FBXO25: variants seen among roughly 807,000 people sequenced by gnomAD.
FBXO25 encodes F-box only protein 25.
A neutral mutation model predicts 51.9 loss-of-function variants in FBXO25; 45 were observed. The observed-to-expected ratio is 0.87, with a 90% CI of 0.68 to 1.11. The LOEUF is 1.11. Among genes scored for constraint, FBXO25 ranks in the 50% most tolerant of loss-of-function variants. FBXO25 has a pLI of 0.00. For missense variants in FBXO25, 507 were observed against 428.5 expected (o/e 1.18, Z -1.62); for synonymous variants, 199 against 151.0 (o/e 1.32, Z -2.33).
At chr8:433,975 C>T (rs1211372106) in intron 4 of FBXO25, among the ~76,000 whole-genome samples, 1 of 152,156 alleles carries the variant, frequency 6.6e-6, no homozygotes, top group Admixed American at 6.5e-5. Flanking sequence ...CGTGAAAGAC[C>T]ATTAAATATT....
chr8:435,474 C>G (rs1798048277), intron 4 of FBXO25, 141 bp from the exon 5 acceptor site: 1 of 1,003,746 alleles, frequency 1.0e-6, no homozygotes, highest in African/African-American at 1.6e-5. Context: ...ACTATACTCT[C>G]ATCTAAATCT....
rs1433623464 is a variant in FBXO25 at position 474,649 on chromosome 8, G to C, written c.*5845G>C. ...GACTGGTGATGCTGAGTATCTGTTT[G>C]TTGGCCGTTTATATGTCGTCTTTGG... is the stretch of plus-strand genomic sequence containing the variant. On this transcript the variant is annotated 3_prime_UTR_variant, in exon 10 of 10. Transcript: ENST00000350302. The C allele has an allele frequency of 4.5e-6, 2 of 440,114 alleles. No homozygotes were observed. The highest frequency in any genetic ancestry group is 4.1e-5 in the African/African-American group (2 of 48,958). The allele number at this position is 440,114 out of a possible 1,614,324, so 27.3% of individuals were successfully genotyped here. A position where few individuals can be genotyped will look rare whatever the true frequency, so the allele number is the denominator to read the frequency against.
chr8:432,444 C>A lies in FBXO25; in HGVS notation c.239-442C>A, dbSNP rs185163423. 6.6e-5 allele frequency among the ~76,000 whole-genome samples: 10 copies of A among 152,062 alleles called. No homozygotes were observed. In the East Asian group the frequency reaches 1.4e-3, roughly 21 times the overall value. On this transcript the variant is annotated intron_variant, in intron 3 of 9. Coordinates refer to ENST00000350302, the MANE Select transcript of FBXO25 (RefSeq NM_183420.2). ...AGGTGAAACTGTGAATACGGGGGGA[C>A]TACTTTATGAAGAAGATAGGGTCAC...
chr8:466,580 C>T (rs1039055250), intron 9 of FBXO25, among the ~76,000 whole-genome samples: 1 of 152,156 alleles, frequency 6.6e-6, no homozygotes, highest in Non-Finnish European at 1.5e-5. Context: ...AATTCTGGCC[C>T]TGGGACTTGG....
At position 476,291 on chromosome 8, in the gene FBXO25, A is replaced by T. The variant is rs956700399; in HGVS notation, c.*7487A>T. 10 of 152,208 alleles carry T rather than the reference A, an allele frequency of 6.6e-5. No individual in the cohort carries two copies. Among genetic ancestry groups the T allele is most frequent in the East Asian group, 3.9e-4 (2 of 5,188 alleles). 9.4% of individuals were successfully genotyped at this position (152,208 alleles called of 1,614,324 possible). On this transcript the variant is annotated 3_prime_UTR_variant, in exon 10 of 10. Transcript: ENST00000350302. ...CCAGTATTTTGTTGAATATTGATTT[A>T]AAAAAATCTTGATCAGGAATACTGA... is the stretch of plus-strand genomic sequence containing the variant.
In FBXO25 at chr8:467,757, G is replaced by C. The variant is rs201672813; in HGVS notation, c.988-958G>C. 3.7e-6 allele frequency: 6 copies of C among 1,613,740 alleles called. No homozygotes were observed. In the East Asian group the frequency reaches 1.3e-4, roughly 36 times the overall value. On this transcript the variant is annotated intron_variant, in intron 9 of 9. Transcript: ENST00000350302. ...GCTTTACTATTCAAGGTACTTCCCT[G>C]TCTTGCCACACATCCTGTGTTCGGG...
At chr8:417,609 A>G (rs912641410) in intron 2 of FBXO25, among the ~76,000 whole-genome samples, 1 of 152,194 alleles carries the variant, frequency 6.6e-6, no homozygotes, top group Non-Finnish European at 1.5e-5. Flanking sequence ...GCCTAGGAAC[A>G]GAAGCACAGT....
chr8:413,451 A>G (rs1055966001), intron 2 of FBXO25, among the ~76,000 whole-genome samples: 6 of 151,964 alleles, frequency 3.9e-5, no homozygotes, highest in Admixed American at 3.3e-4. Flanking sequence ...AATAATTGGG[A>G]GAGAGGTATT....
rs117056246 is a variant in FBXO25, at chr8:455,911, A to G, written c.661-2458A>G. On this transcript the variant is annotated intron_variant, in intron 7 of 9. Transcript: ENST00000350302. ...GGCATTTCTGCGACACCCTCTTGTT[A>G]TAGCCATTAACAGGGATGTAAAACT... 1.6e-3 allele frequency among the ~76,000 whole-genome samples: 247 copies of G among 152,348 alleles called. 2 individuals are homozygous for G. In the East Asian group the frequency reaches 0.038, roughly 23 times the overall value.
chr8:446,358 G>T (rs529479038), intron 5 of FBXO25, among the ~76,000 whole-genome samples: 27 of 152,106 alleles, frequency 1.8e-4, no homozygotes, highest in Non-Finnish European at 2.8e-4. Flanking sequence ...GTACATTTTG[G>T]TCTGTTTCTT....
At chr8:461,054 T>G (rs866950332) in intron 8 of FBXO25, among the ~76,000 whole-genome samples, 10 of 152,364 alleles carry the variant, frequency 6.6e-5, no homozygotes, top group Middle Eastern at 3.4e-3. Context: ...AAGGCAGCCC[T>G]GTTACTCCTT....
At chr8:460,285 T>C (rs936120971) in intron 8 of FBXO25, among the ~76,000 whole-genome samples, 1 of 152,180 alleles carries the variant, frequency 6.6e-6, no homozygotes, top group Non-Finnish European at 1.5e-5. Flanking sequence ...AGAGTTGCTT[T>C]AAATAAGTTA....
intron 2 of FBXO25, among the ~76,000 whole-genome samples, chr8:414,515 G>T (rs181753212): frequency 6.6e-6 from 1 of 152,062 alleles, no homozygotes; most frequent in Admixed American, 6.6e-5. Context: ...CTGCATCTGC[G>T]GTGAGGAATT....
At chr8:415,184 A>G (rs183594266) in intron 2 of FBXO25, among the ~76,000 whole-genome samples, 1 of 152,346 alleles carries the variant, frequency 6.6e-6, no homozygotes, top group East Asian at 1.9e-4. Context: ...TAGAAAAAGA[A>G]CTATAGTAAA....
In FBXO25 at chr8:470,225, A is replaced by G. The variant is rs149443607; in HGVS notation, c.*1421A>G. ...TGAGTGTCTCGCCGTTAGCATCAATAACTATGATAAGCATCGTCACACAAC... is the reference window on the plus strand; with the variant it reads ...TGAGTGTCTCGCCGTTAGCATCAATGACTATGATAAGCATCGTCACACAAC... On this transcript the variant is annotated 3_prime_UTR_variant, in exon 10 of 10. Coordinates refer to ENST00000350302, the MANE Select transcript of FBXO25 (RefSeq NM_183420.2). 6.6e-6 allele frequency: 1 copy of G among 152,336 alleles called. No homozygotes were observed. The highest frequency in any genetic ancestry group is 1.5e-5 in the Non-Finnish European group (1 of 68,036). 9.4% of individuals were successfully genotyped at this position (152,336 alleles called of 1,614,324 possible). A position where few individuals can be genotyped will look rare whatever the true frequency, so the allele number is the denominator to read the frequency against.
At chr8:463,311 G>A (rs190415348) in intron 9 of FBXO25, among the ~76,000 whole-genome samples, 161 bp downstream of exon 9, 1 of 152,370 alleles carries the variant, frequency 6.6e-6, no homozygotes, top group African/African-American at 2.4e-5. Context: ...GGGAACAGAT[G>A]TTCATTCAAT....
At chr8:448,981 T>C (rs1004404250) in intron 5 of FBXO25, among the ~76,000 whole-genome samples, 6 of 152,200 alleles carry the variant, frequency 3.9e-5, no homozygotes, top group Non-Finnish European at 8.8e-5. Flanking sequence ...GAACGCAAAG[T>C]TTTTCAAAAA....
intron 2 of FBXO25, among the ~76,000 whole-genome samples, chr8:415,684 G>T (rs560892698): frequency 6.6e-6 from 1 of 152,188 alleles, no homozygotes; most frequent in Non-Finnish European, 1.5e-5. Context: ...GGGTGGCCCT[G>T]AGAAGGACTC....
intron 5 of FBXO25, among the ~76,000 whole-genome samples, chr8:440,634 A>G (rs1365554861): frequency 2.6e-5 from 4 of 152,130 alleles, no homozygotes; most frequent in African/African-American, 7.2e-5. Context: ...CATGTGCTCA[A>G]TGTGCAGGTT....
Sources: allele counts gnomAD v4.1 joint callset (sites outside exome capture counted in the v4.1 genomes callset), GRCh38; gene constraint gnomAD v4.1.1; transcripts MANE v1.5; gene names NCBI Gene and HGNC (gene_info 2026-07-23, HGNC 2026-07-21).